CDH13: variants seen among roughly 807,000 people sequenced by gnomAD.
CDH13 encodes the protein cadherin 13, also known as cadherin-13.
In CDH13, 24 loss-of-function variants were observed where a neutral mutation model predicts 63.8. That is an observed-to-expected ratio of 0.38 (90% CI 0.27 to 0.53). CDH13 has a LOEUF of 0.53. CDH13 is among the 20% of genes least tolerant of loss of function. The probability of loss-of-function intolerance (pLI) is 0.85; values close to 1 mark genes in which losing one functional copy is unlikely to be tolerated. For synonymous variants in CDH13, 503 were observed against 355.3 expected (o/e 1.42, Z -4.67); for missense variants, 1,049 against 903.1 (o/e 1.16, Z -2.07).
chr16:82,668,466 A>T (rs28547411), intron 1 of CDH13, among the ~76,000 whole-genome samples: 2,859 of 152,288 alleles, frequency 0.019, 81 homozygotes, highest in African/African-American at 0.065. Flanking sequence ...GGGGACAGTT[A>T]TAATATTACC....
intron 1 of CDH13, among the ~76,000 whole-genome samples, chr16:82,629,002 G>A (rs1453727921): frequency 6.6e-6 from 1 of 152,244 alleles, no homozygotes; most frequent in Non-Finnish European, 1.5e-5. Context: ...GTCGGTGTCT[G>A]AGAGCACTTA....
intron 1 of CDH13, among the ~76,000 whole-genome samples, chr16:82,853,743 A>G (rs2039583513): frequency 6.6e-6 from 1 of 152,164 alleles, no homozygotes. Context: ...TGTCTTGGTT[A>G]CCTCTCATTT....
At chr16:82,873,335 G>T (rs2040404498) in intron 2 of CDH13, among the ~76,000 whole-genome samples, 1 of 152,188 alleles carries the variant, frequency 6.6e-6, no homozygotes, top group East Asian at 1.9e-4. Flanking sequence ...ATTGACTAAA[G>T]AGCCCAAGAT....
chr16:83,167,860 C>G (rs1338474091), intron 4 of CDH13, among the ~76,000 whole-genome samples: 2 of 151,916 alleles, frequency 1.3e-5, no homozygotes, highest in African/African-American at 2.4e-5. Context: ...TCATGGAATA[C>G]CATGCAGCCA....
intron 8 of CDH13, among the ~76,000 whole-genome samples, chr16:83,606,761 C>G (rs982351123): frequency 6.7e-6 from 1 of 149,624 alleles, no homozygotes; most frequent in Non-Finnish European, 1.5e-5. Context: ...TAGACAGACC[C>G]AGGCCAGTTT....
intron 7 of CDH13, among the ~76,000 whole-genome samples, chr16:83,596,541 A>G (rs1279020459): frequency 2.0e-5 from 3 of 152,312 alleles, no homozygotes; most frequent in East Asian, 1.9e-4. Flanking sequence ...CTGGACACCT[A>G]AAGAGCATCT....
At chr16:83,215,828 G>C (rs1226018859) in intron 4 of CDH13, among the ~76,000 whole-genome samples, 1 of 152,128 alleles carries the variant, frequency 6.6e-6, no homozygotes, top group African/African-American at 2.4e-5. Flanking sequence ...AATGATTATT[G>C]TGTTCATGAC....
At chr16:83,297,481 CAAATGCTGTTCTCA>C (rs1402246627) in intron 5 of CDH13, among the ~76,000 whole-genome samples, 1 of 152,100 alleles carries the variant, frequency 6.6e-6, no homozygotes, top group Non-Finnish European at 1.5e-5. Flanking sequence ...GTGAATGTAA[CAAATGCTGTTCTCA>C]AATAGCTCTA....
At chr16:83,235,634 G>A (rs2040123035) in intron 5 of CDH13, among the ~76,000 whole-genome samples, 1 of 144,764 alleles carries the variant, frequency 6.9e-6, no homozygotes, top group South Asian at 2.2e-4. Context: ...CCTTACTCCT[G>A]AGGGAAAACT....
At chr16:83,116,413 C>A (rs1193612271) in intron 3 of CDH13, among the ~76,000 whole-genome samples, 1 of 152,162 alleles carries the variant, frequency 6.6e-6, no homozygotes, top group African/African-American at 2.4e-5. Flanking sequence ...GCAGGGATGT[C>A]CCCTGAGCAT....
At chr16:83,334,749 G>A (rs907834986) in intron 5 of CDH13, among the ~76,000 whole-genome samples, 2 of 152,130 alleles carry the variant, frequency 1.3e-5, no homozygotes, top group African/African-American at 4.8e-5. Flanking sequence ...GGTGGAGAGA[G>A]TATGAGAATT....
intron 4 of CDH13, among the ~76,000 whole-genome samples, chr16:83,192,590 C>G (rs879450539): frequency 2.0e-5 from 3 of 152,186 alleles, no homozygotes; most frequent in Non-Finnish European, 2.9e-5. Context: ...CTAATAGGAT[C>G]TGAGTTTCCG....
chr16:82,865,491 C>T (rs1223902430), intron 2 of CDH13, among the ~76,000 whole-genome samples: 1 of 152,234 alleles, frequency 6.6e-6, no homozygotes, highest in African/African-American at 2.4e-5. Flanking sequence ...TATGCCTAGG[C>T]TTGGGGCTTG....
chr16:82,633,165 T>G (rs1908226956), intron 1 of CDH13, among the ~76,000 whole-genome samples: 2 of 152,198 alleles, frequency 1.3e-5, no homozygotes, highest in Non-Finnish European at 1.5e-5. Flanking sequence ...TGGGAACCCC[T>G]GCTCTACGTA....
intron 6 of CDH13, among the ~76,000 whole-genome samples, chr16:83,416,598 C>A (rs1259640943): frequency 6.6e-6 from 1 of 152,190 alleles, no homozygotes; most frequent in Non-Finnish European, 1.5e-5. Flanking sequence ...TGATGCCTCC[C>A]AGAAGTACCA....
intron 7 of CDH13, among the ~76,000 whole-genome samples, chr16:83,538,718 G>C (rs1375219151): frequency 1.3e-5 from 2 of 152,164 alleles, no homozygotes; most frequent in African/African-American, 4.8e-5. Context: ...ATTAGCAGAA[G>C]AGACAAGGTT....
At chr16:82,940,809 C>T (rs886100121) in intron 2 of CDH13, among the ~76,000 whole-genome samples, 1 of 152,142 alleles carries the variant, frequency 6.6e-6, no homozygotes. Flanking sequence ...TATTTGAGCT[C>T]TTGTCCCATG....
intron 8 of CDH13, among the ~76,000 whole-genome samples, chr16:83,648,355 G>A (rs1598411192): frequency 6.6e-6 from 1 of 152,214 alleles, no homozygotes; most frequent in Non-Finnish European, 1.5e-5. Flanking sequence ...TTGATTCAAC[G>A]CAAGTTTGTG....
chr16:83,018,342 C>A (rs962719555), intron 2 of CDH13, among the ~76,000 whole-genome samples: 2 of 152,094 alleles, frequency 1.3e-5, no homozygotes, highest in African/African-American at 4.8e-5. Context: ...CTTTAGTTGC[C>A]GTTTATCCCT....
Sources: gnomAD v4.1 joint callset for allele counts (sites outside exome capture counted in the v4.1 genomes callset) on GRCh38, gnomAD v4.1.1 for gene constraint, MANE v1.5 for transcripts, NCBI Gene and HGNC (gene_info 2026-07-23, HGNC 2026-07-21) for gene names.